KCTD1: variants seen among roughly 807,000 people sequenced by gnomAD.
The protein encoded by KCTD1 is potassium channel tetramerization domain containing 1, also known as BTB/POZ domain-containing protein KCTD1.
In KCTD1, 24 loss-of-function variants were observed where a neutral mutation model predicts 66.0. The ratio of observed to expected loss-of-function variants is 0.36; its 90% CI spans 0.26 to 0.51. The LOEUF (loss-of-function observed/expected upper bound fraction) is 0.51, where lower values mean the gene tolerates loss of function less well. Among genes scored for constraint, KCTD1 ranks in the 20% least tolerant of loss-of-function variants. The pLI is 0.95. For synonymous variants in KCTD1, 511 were observed against 517.2 expected (o/e 0.99, Z 0.16); for missense variants, 943 against 1,205.2 (o/e 0.78, Z 3.22).
intron 2 of KCTD1, among the ~76,000 whole-genome samples, chr18:26,482,400 A>C (rs1981695811): frequency 6.6e-6 from 1 of 152,188 alleles, no homozygotes; most frequent in Non-Finnish European, 1.5e-5. Flanking sequence ...AAGAGGCCTA[A>C]GGAGGGATGG....
intron 1 of KCTD1, among the ~76,000 whole-genome samples, chr18:26,602,792 T>C (rs1986926703): frequency 6.6e-6 from 1 of 152,236 alleles, no homozygotes; most frequent in Admixed American, 6.5e-5. Context: ...CAGTTCAGCA[T>C]ATGCTCACCT....
intron 1 of KCTD1, among the ~76,000 whole-genome samples, chr18:26,612,331 T>C (rs1293612673): frequency 6.6e-6 from 1 of 152,116 alleles, no homozygotes; most frequent in African/African-American, 2.4e-5. Context: ...TTGGGTTGAA[T>C]TGATCCCCTT....
intron 1 of KCTD1, among the ~76,000 whole-genome samples, chr18:26,553,688 A>G (rs1985630104): frequency 6.6e-6 from 1 of 152,244 alleles, no homozygotes; most frequent in Admixed American, 6.5e-5. Flanking sequence ...TGTTTTGAGA[A>G]TTAAATAAGT....
chr18:26,531,611 T>C (rs553473394), intron 1 of KCTD1, among the ~76,000 whole-genome samples: 2 of 152,220 alleles, frequency 1.3e-5, no homozygotes, highest in Admixed American at 1.3e-4. Context: ...AACTTTGATC[T>C]AATTTAGAAG....
chr18:26,548,044 G>A lies in KCTD1; in HGVS notation c.493C>T (p.Arg165Trp). 2.0e-6 allele frequency: 3 copies of A among 1,507,880 alleles called. No homozygotes were observed. The highest frequency in any genetic ancestry group is 2.7e-6 in the Non-Finnish European group (3 of 1,130,354). The allele number at this position is 1,507,880 out of a possible 1,614,324, so 93.4% of individuals were successfully genotyped here. A position where few individuals can be genotyped will look rare whatever the true frequency, so the allele number is the denominator to read the frequency against. Reference sequence around the variant, plus strand: ...CGGGTGTTCTCGCTCAGCCGGGCCCGCTCGGGGCGCTGCAGCACGTCGGGG... The same window carrying A: ...CGGGTGTTCTCGCTCAGCCGGGCCCACTCGGGGCGCTGCAGCACGTCGGGG... ...LDPDVLQRPE[R>W]ARLSENTRLA... Residue 165 changes from arginine (R) to tryptophan (W), a missense_variant, in exon 1 of 5, where the codon CGG becomes TGG. Physicochemically the swap from Arg to Trp is moderately radical, Grantham distance 101. Coordinates refer to ENST00000580059, the MANE Select transcript of KCTD1 (RefSeq NM_001142730.3).
chr18:26,558,836 T>C (rs759082814), intron 1 of KCTD1, among the ~76,000 whole-genome samples: 17 of 151,748 alleles, frequency 1.1e-4, no homozygotes, highest in Non-Finnish European at 2.1e-4. Flanking sequence ...GGCAGGAGGA[T>C]CGTTTGAATC....
intron 2 of KCTD1, among the ~76,000 whole-genome samples, chr18:26,478,753 T>A (rs1205619726): frequency 6.6e-6 from 1 of 152,176 alleles, no homozygotes; most frequent in Non-Finnish European, 1.5e-5. Flanking sequence ...GACTTCTCTG[T>A]CTCCATTTTT....
At chr18:26,581,799 A>T (rs1281324947) in intron 1 of KCTD1, 1 of 152,202 alleles carries the variant, frequency 6.6e-6, no homozygotes. Context: ...AGGGAGCTAT[A>T]TAAAATATAT....
intron 4 of KCTD1, 103 bp downstream of exon 4, chr18:26,459,517 G>T: frequency 9.1e-7 from 1 of 1,103,534 alleles, no homozygotes; most frequent in Admixed American, 2.4e-5. Context: ...GTCACTGAGT[G>T]AGTTTCTAAG....
chr18:26,518,147 T>G (rs1983750800), intron 1 of KCTD1, among the ~76,000 whole-genome samples: 1 of 152,196 alleles, frequency 6.6e-6, no homozygotes, highest in Non-Finnish European at 1.5e-5. Context: ...AGAAGAGAAT[T>G]TAAAAGGTGG....
At chr18:26,511,316 T>C (rs190890922) in intron 1 of KCTD1, among the ~76,000 whole-genome samples, 1 of 152,284 alleles carries the variant, frequency 6.6e-6, no homozygotes, top group Admixed American at 6.5e-5. Context: ...CAGAAGACGA[T>C]TTCATTTGAT....
At chr18:26,638,579 T>C (rs1314796937) in intron 1 of KCTD1, among the ~76,000 whole-genome samples, 1 of 152,204 alleles carries the variant, frequency 6.6e-6, no homozygotes, top group Non-Finnish European at 1.5e-5. Flanking sequence ...TGTCTCACAT[T>C]AGGTGGCTAC....
intron 1 of KCTD1, among the ~76,000 whole-genome samples, chr18:26,535,389 C>T (rs781313562): frequency 6.6e-5 from 10 of 152,040 alleles, no homozygotes; most frequent in African/African-American, 1.2e-4. Context: ...CTGGTCCCAG[C>T]GAGCGTCAGA....
intron 1 of KCTD1, among the ~76,000 whole-genome samples, chr18:26,620,831 A>AG (rs1427799175): frequency 9.9e-4 from 104 of 104,774 alleles, no homozygotes; most frequent in African/African-American, 3.7e-3. Flanking sequence ...ACACTTGAAA[A>AG]GCTTTTTTTT....
intron 1 of KCTD1, chr18:26,599,991 GCTGTGGACCCTCT>G: frequency 6.2e-7 from 1 of 1,610,786 alleles, no homozygotes; most frequent in South Asian, 1.1e-5. Context: ...CTGCTGCCAA[GCTGTGGACCCTCT>G]CAGCCAACGA....
At chr18:26,512,685 A>T (rs1983397327) in intron 1 of KCTD1, among the ~76,000 whole-genome samples, 1 of 152,132 alleles carries the variant, frequency 6.6e-6, no homozygotes, top group South Asian at 2.1e-4. Flanking sequence ...ACTCCATGTA[A>T]ATAAAAATTT....
intron 2 of KCTD1, among the ~76,000 whole-genome samples, chr18:26,483,731 G>T (rs7231944): frequency 0.17 from 26,327 of 152,116 alleles, 2,419 homozygotes; most frequent in African/African-American, 0.2. Flanking sequence ...GTAAGTTGTG[G>T]GCATGCACAA....
intron 3 of KCTD1, among the ~76,000 whole-genome samples, chr18:26,464,553 G>T (rs757290633): frequency 6.6e-6 from 1 of 152,204 alleles, no homozygotes; most frequent in Non-Finnish European, 1.5e-5. Context: ...CAGTTGAAAG[G>T]CTTATTTTCT....
At chr18:26,509,169 A>C (rs764001515) in intron 1 of KCTD1, among the ~76,000 whole-genome samples, 5 of 151,858 alleles carry the variant, frequency 3.3e-5, no homozygotes, top group East Asian at 3.9e-4. Context: ...AAAAAAAAAA[A>C]AACAAACTCG....
Sources: gnomAD v4.1 joint callset for allele counts (sites outside exome capture counted in the v4.1 genomes callset) on GRCh38, gnomAD v4.1.1 for gene constraint, MANE v1.5 for transcripts, NCBI Gene and HGNC (gene_info 2026-07-23, HGNC 2026-07-21) for gene names.